The following GPM6A variants were observed in gnomAD, a reference collection of about 807,000 sequenced individuals.
The protein encoded by GPM6A is neuronal membrane glycoprotein M6-a.
Under a neutral mutation model 32.1 loss-of-function variants are expected in GPM6A, and 7 were observed. That is an observed-to-expected ratio of 0.22 (90% CI 0.12 to 0.41). GPM6A has a LOEUF of 0.41. GPM6A is among the 10% of genes least tolerant of loss of function. GPM6A has a pLI of 1.00. For missense variants in GPM6A, 235 were observed against 347.2 expected (o/e 0.68, Z 2.57); for synonymous variants, 130 against 123.4 (o/e 1.05, Z -0.35).
intron 1 of GPM6A, among the ~76,000 whole-genome samples, chr4:176,001,224 G>A (rs1741466660): frequency 6.6e-6 from 1 of 152,190 alleles, no homozygotes; most frequent in Admixed American, 6.5e-5. Flanking sequence ...TACTCTTGGA[G>A]AAATCCCTCA....
chr4:175,990,594 C>T (rs377569985), intron 1 of GPM6A, among the ~76,000 whole-genome samples: 2 of 151,264 alleles, frequency 1.3e-5, no homozygotes, highest in East Asian at 1.9e-4. Context: ...CTTGTTCAAT[C>T]GAGTCAACAC....
intron 1 of GPM6A, among the ~76,000 whole-genome samples, chr4:175,736,864 G>A (rs1253323768): frequency 1.3e-5 from 2 of 152,140 alleles, no homozygotes; most frequent in African/African-American, 2.4e-5. Flanking sequence ...TTTCTATCAC[G>A]TAATGACATC....
At chr4:175,857,058 T>C (rs770288018) in intron 1 of GPM6A, among the ~76,000 whole-genome samples, 3 of 152,214 alleles carry the variant, frequency 2.0e-5, no homozygotes, top group Non-Finnish European at 4.4e-5. Flanking sequence ...GTATCAATAC[T>C]TATGTAAGAT....
At chr4:175,879,814 T>C (rs1297502380) in intron 1 of GPM6A, among the ~76,000 whole-genome samples, 3 of 152,162 alleles carry the variant, frequency 2.0e-5, no homozygotes, top group African/African-American at 7.2e-5. Flanking sequence ...GAAAAGAATG[T>C]TATGCTATTA....
At chr4:175,962,617 T>C (rs1353181222) in intron 1 of GPM6A, 3 of 249,778 alleles carry the variant, frequency 1.2e-5, no homozygotes, top group South Asian at 1.1e-4. Context: ...ACTGAGGTGA[T>C]AGAAACACGG....
At chr4:175,773,816 C>T (rs1733286383) in intron 1 of GPM6A, among the ~76,000 whole-genome samples, 1 of 152,202 alleles carries the variant, frequency 6.6e-6, no homozygotes, top group South Asian at 2.1e-4. Flanking sequence ...TGCCCGAGCT[C>T]TCATTTCAGT....
At chr4:175,863,733 G>A (rs894196082) in intron 1 of GPM6A, among the ~76,000 whole-genome samples, 3 of 152,152 alleles carry the variant, frequency 2.0e-5, no homozygotes, top group Non-Finnish European at 2.9e-5. Context: ...CAGGCACAGT[G>A]GCTCACATCT....
chr4:175,780,692 C>T (rs2111252465), intron 1 of GPM6A, among the ~76,000 whole-genome samples: 1 of 152,286 alleles, frequency 6.6e-6, no homozygotes, highest in East Asian at 1.9e-4. Context: ...ATTTCCACTA[C>T]ACAAATTAGC....
chr4:175,912,813 G>C (rs903701455), intron 1 of GPM6A, among the ~76,000 whole-genome samples: 9 of 152,162 alleles, frequency 5.9e-5, no homozygotes, highest in Non-Finnish European at 2.9e-5. Flanking sequence ...ATGATGGTGA[G>C]AGTTAAATGA....
chr4:175,875,268 C>T (rs764308180), intron 1 of GPM6A, among the ~76,000 whole-genome samples: 6 of 152,186 alleles, frequency 3.9e-5, no homozygotes, highest in Non-Finnish European at 8.8e-5. Flanking sequence ...ATGTCTGTTC[C>T]TCTATTCTTT....
At chr4:175,907,111 T>C (rs1210250398) in intron 1 of GPM6A, 1 of 152,196 alleles carries the variant, frequency 6.6e-6, no homozygotes, top group Non-Finnish European at 1.5e-5. Flanking sequence ...TGGTGTACCA[T>C]GGTAGCTTTC....
intron 1 of GPM6A, among the ~76,000 whole-genome samples, chr4:175,875,066 C>T (rs961521087): frequency 1.3e-5 from 2 of 152,134 alleles, no homozygotes; most frequent in Non-Finnish European, 2.9e-5. Flanking sequence ...CCCAGTACAT[C>T]CAAGAGGCAG....
chr4:175,790,428 C>T (rs913905104), intron 1 of GPM6A: 14 of 152,134 alleles, frequency 9.2e-5, no homozygotes, highest in African/African-American at 3.1e-4. Context: ...GTAAGATCAC[C>T]ATCAGTTTTT....
At chr4:175,666,955 T>C (rs1386208899) in intron 3 of GPM6A, among the ~76,000 whole-genome samples, 2 of 152,198 alleles carry the variant, frequency 1.3e-5, no homozygotes, top group African/African-American at 4.8e-5. Context: ...TATTTGTAAG[T>C]AGAAATTAGA....
chr4:175,946,873 C>A (rs932737759), intron 1 of GPM6A, among the ~76,000 whole-genome samples: 3 of 152,042 alleles, frequency 2.0e-5, no homozygotes, highest in African/African-American at 4.8e-5. Context: ...TTAAGAAAAA[C>A]CAAAATATGC....
chr4:175,843,674 G>A (rs572345330), intron 1 of GPM6A, among the ~76,000 whole-genome samples: 10 of 152,274 alleles, frequency 6.6e-5, no homozygotes, highest in African/African-American at 2.2e-4. Context: ...TGCTGTCATC[G>A]TCTTGAAAAT....
chr4:175,701,003 T>C (rs1744847069), intron 2 of GPM6A, among the ~76,000 whole-genome samples: 1 of 152,214 alleles, frequency 6.6e-6, no homozygotes, highest in African/African-American at 2.4e-5. Flanking sequence ...TTAGGAGTTT[T>C]ACATTTTATG....
chr4:175,816,072 T>G (rs190838031), upstream of GPM6A, among the ~76,000 whole-genome samples: 661 of 152,262 alleles, frequency 4.3e-3, 3 homozygotes, highest in Non-Finnish European at 5.2e-3. Flanking sequence ...ACACCTATAG[T>G]CCCAGCTACT....
At chr4:175,682,107 T>C (rs952715607) in intron 2 of GPM6A, among the ~76,000 whole-genome samples, 2 of 151,574 alleles carry the variant, frequency 1.3e-5, no homozygotes, top group African/African-American at 2.4e-5. Context: ...GAGAAACTTA[T>C]AGGGCACTGG....
Sources: gnomAD v4.1 joint callset for allele counts (sites outside exome capture counted in the v4.1 genomes callset) on GRCh38, gnomAD v4.1.1 for gene constraint, MANE v1.5 for transcripts, NCBI Gene and HGNC (gene_info 2026-07-23, HGNC 2026-07-21) for gene names.